Variants in DNAH11 observed in about 807,000 individuals in gnomAD.
DNAH11 encodes the protein axonemal beta dynein heavy chain 11.
A neutral mutation model predicts 526.0 loss-of-function variants in DNAH11; 442 were observed. The ratio of observed to expected loss-of-function variants is 0.84; its 90% CI spans 0.78 to 0.91. The LOEUF (loss-of-function observed/expected upper bound fraction) is 0.91. Among genes scored for constraint, DNAH11 ranks in the 40% least tolerant of loss-of-function variants. The probability of loss-of-function intolerance (pLI) is 0.00; values close to 1 mark genes in which losing one functional copy is unlikely to be tolerated. For synonymous variants in DNAH11, 2,461 were observed against 1,935.9 expected, an observed-to-expected ratio of 1.27 and a Z score of -7.12; for missense variants, 6,989 against 5,448.7, an observed-to-expected ratio of 1.28 and a Z score of -8.90.
chr7:21,879,674 A>G (rs1157465458), intron 74 of DNAH11, among the ~76,000 whole-genome samples: 1 of 152,142 alleles, frequency 6.6e-6, no homozygotes, highest in Non-Finnish European at 1.5e-5. Context: ...TTTCTCACAC[A>G]TATTAGGCAG....
At chr7:21,593,911 T>C (rs1784777708) in intron 14 of DNAH11, among the ~76,000 whole-genome samples, 2 of 149,820 alleles carry the variant, frequency 1.3e-5, no homozygotes, top group South Asian at 4.3e-4. Context: ...ACAAAATCTC[T>C]CTCTCTCTAA....
At position 21,636,093 on chromosome 7, in the gene DNAH11, A is replaced by G; in HGVS notation, c.4723A>G (p.Lys1575Glu). 2.5e-6 allele frequency: 4 copies of G among 1,606,660 alleles called. No homozygotes were observed. The highest frequency in any genetic ancestry group is 2.6e-6 in the Non-Finnish European group (3 of 1,175,260). The change falls in exon 26 of 82, where the codon AAG becomes GAG. Residue 1575 changes from lysine (K) to glutamate (E), a missense_variant and splice_region_variant. By Grantham distance (56) the Lys-to-Glu change is moderately conservative. Transcript: ENST00000409508. ...RRFDGVDAEF[K>E]ELMFKTAKVE... ...ATTTGATGGGGTGGATGCTGAATTT[A>G]AGGTTTGTCAAAGACAGGCTGTATG... is the stretch of plus-strand genomic sequence containing the variant.
At chr7:21,672,440 C>A (rs371347933) in intron 30 of DNAH11, among the ~76,000 whole-genome samples, 1 of 152,190 alleles carries the variant, frequency 6.6e-6, no homozygotes, top group East Asian at 1.9e-4. Flanking sequence ...GGCTTAACAC[C>A]ATGTCTGGCT....
intron 25 of DNAH11, among the ~76,000 whole-genome samples, chr7:21,635,197 C>T (rs1224698644): frequency 6.6e-6 from 1 of 152,008 alleles, no homozygotes; most frequent in African/African-American, 2.4e-5. Flanking sequence ...ACTCTGTTGC[C>T]CAGGCTTGGA....
At chr7:21,685,455 A>G (rs1163084211) in intron 32 of DNAH11, among the ~76,000 whole-genome samples, 2 of 152,168 alleles carry the variant, frequency 1.3e-5, no homozygotes, top group Admixed American at 6.5e-5. Context: ...TGATAGTGTG[A>G]ATTGTGTTGG....
In DNAH11 at chr7:21,617,601, TC is replaced by T; in HGVS notation, c.4096-16del. On this transcript the variant is annotated splice_polypyrimidine_tract_variant and intron_variant, in intron 22 of 81. Coordinates refer to ENST00000409508, the MANE Select transcript of DNAH11 (RefSeq NM_001277115.2). ...GTTATATCTTGGGAGCTAGGTTTTT[TC>T]CTCCACTTTTCTTTAGGAAATTTGG... 3 of 1,613,382 alleles carry T rather than the reference TC, an allele frequency of 1.9e-6. No individual in the cohort carries two copies. The highest frequency in any genetic ancestry group is 2.5e-6 in the Non-Finnish European group (3 of 1,179,586).
At chr7:21,710,431 A>T (rs1784416826) in intron 40 of DNAH11, 122 bp from the exon 41 acceptor site, 1 of 771,746 alleles carries the variant, frequency 1.3e-6, no homozygotes, top group African/African-American at 1.8e-5. Flanking sequence ...AAAAGGTGTT[A>T]CACACTGCCC....
intron 63 of DNAH11, among the ~76,000 whole-genome samples, chr7:21,815,485 A>C (rs1478478814): frequency 6.6e-6 from 1 of 152,136 alleles, no homozygotes; most frequent in African/African-American, 2.4e-5. Context: ...TAATGTGGGA[A>C]TCCTTTCAGC....
At chr7:21,816,297 C>G (rs199938029) in intron 63 of DNAH11, among the ~76,000 whole-genome samples, 170 bp from the exon 64 acceptor site, 1 of 152,286 alleles carries the variant, frequency 6.6e-6, no homozygotes, top group East Asian at 1.9e-4. Flanking sequence ...CTGGATTTAT[C>G]AAGTCAAATT....
In DNAH11 at chr7:21,659,021, A is replaced by G. The variant is rs200295318; in HGVS notation, c.5318A>G (p.His1773Arg). The G allele has an allele frequency of 7.0e-5, 112 of 1,592,486 alleles. No homozygotes were observed. Among genetic ancestry groups the G allele is most frequent in the Middle Eastern group, 3.3e-4 (2 of 6,016 alleles). ...TACGAAACAGCCCTGAAGGATTTCCATAAAAAACAGGTATTACATAGATTT... is the reference window on the plus strand; with the variant it reads ...TACGAAACAGCCCTGAAGGATTTCCGTAAAAAACAGGTATTACATAGATTT... ...EGYETALKDF[H>R]KKQISQLNTL... Residue 1773 changes from histidine to arginine, a missense_variant, in exon 30 of 82, where the codon CAT becomes CGT. Coordinates refer to ENST00000409508, the MANE Select transcript of DNAH11 (RefSeq NM_001277115.2).
chr7:21,583,555 A>G (rs1204900799), intron 9 of DNAH11, among the ~76,000 whole-genome samples: 1 of 152,256 alleles, frequency 6.6e-6, no homozygotes, highest in African/African-American at 2.4e-5. Flanking sequence ...ACCAAAAGGA[A>G]TTGTAACAAA....
chr7:21,591,236 A>T lies in DNAH11; in HGVS notation c.2326A>T (p.Thr776Ser). ...GCAAGGGTATAATAAACTCAAACAG[A>T]CGCTCCTGGAAGTTGAATACCCTCT... ...LVQGYNKLKQ[T>S]LLEVEYPLIE... Residue 776 changes from threonine (T) to serine (S), a missense_variant, in exon 14 of 82, where the codon ACG (threonine) becomes TCG (serine). Physicochemically the swap from Thr to Ser is moderately conservative, Grantham distance 58. Transcript: ENST00000409508. 6.3e-7 allele frequency: 1 copy of T among 1,585,054 alleles called. No homozygotes were observed. The highest frequency in any genetic ancestry group is 1.1e-5 in the South Asian group (1 of 87,244).
chr7:21,898,655 C>T (rs1245185957), intron 79 of DNAH11, among the ~76,000 whole-genome samples: 1 of 152,176 alleles, frequency 6.6e-6, no homozygotes, highest in African/African-American at 2.4e-5. Flanking sequence ...TTCATCTGTC[C>T]CTAGCCTCTG....
At chr7:21,681,844 A>G in intron 31 of DNAH11, 167 bp downstream of exon 31, 1 of 885,508 alleles carries the variant, frequency 1.1e-6, no homozygotes, top group Non-Finnish European at 1.9e-6. Flanking sequence ...GTTAGCCAAT[A>G]TATTATTCTG....
intron 28 of DNAH11, among the ~76,000 whole-genome samples, chr7:21,645,492 G>A (rs1009135568): frequency 1.3e-5 from 2 of 152,106 alleles, no homozygotes; most frequent in African/African-American, 4.8e-5. Context: ...TGTGGCCAAC[G>A]GCATGAGAAG....
At chr7:21,857,534 GA>G (rs71026827) in intron 68 of DNAH11, among the ~76,000 whole-genome samples, 84,648 of 147,150 alleles carry the variant, frequency 0.58, 25,129 homozygotes, top group Non-Finnish European at 0.68. Context: ...TTTTGAAAAA[GA>G]AAAAAAAAAA....
intron 47 of DNAH11, 25 bp downstream of exon 47, chr7:21,738,891 C>G: frequency 3.9e-6 from 6 of 1,527,492 alleles, no homozygotes; most frequent in Non-Finnish European, 5.3e-6. Flanking sequence ...GTAGTTTACT[C>G]TCTCCCAAAA....
chr7:21,758,581 C>A (rs1007638860), intron 54 of DNAH11, among the ~76,000 whole-genome samples: 10 of 151,742 alleles, frequency 6.6e-5, no homozygotes, highest in African/African-American at 2.4e-4. Flanking sequence ...AAAATCACAA[C>A]GATGTACTTG....
Position 21,901,220 on chromosome 7 carries a change from T to A in DNAH11, c.13517T>A (p.Val4506Asp), listed in dbSNP as rs554276148. 1 of 1,613,584 alleles carries A rather than the reference T, an allele frequency of 6.2e-7. No individual in the cohort carries two copies. Among genetic ancestry groups the A allele is most frequent in the Non-Finnish European group, 8.5e-7 (1 of 1,179,656 alleles). ...AGCGAAGAGAAGACTGCAAAATGGG[T>A]TCTGGCTGGAGTGGCTCTGCTTCTA... The part of the protein sequence containing the change: ...LKSEEKTAKW[V>D]LAGVALLLEA Residue 4506 changes from valine (V) to aspartate (D), a missense_variant, in exon 82 of 82, where the codon GTT (valine) becomes GAT (aspartate). Physicochemically the swap from Val to Asp is radical, Grantham distance 152. Coordinates refer to ENST00000409508, the MANE Select transcript of DNAH11 (RefSeq NM_001277115.2).
Sources: gnomAD v4.1 joint callset for allele counts (sites outside exome capture counted in the v4.1 genomes callset) on GRCh38, gnomAD v4.1.1 for gene constraint, MANE v1.5 for transcripts, NCBI Gene and HGNC (gene_info 2026-07-23, HGNC 2026-07-21) for gene names.